Variants in NXPH1 observed in about 807,000 individuals in gnomAD.
The protein encoded by NXPH1 is neurexophilin 1, also known as neurexophilin-1.
A neutral mutation model predicts 23.7 loss-of-function variants in NXPH1; 5 were observed. The ratio of observed to expected loss-of-function variants is 0.21; its 90% CI spans 0.11 to 0.44. The LOEUF (loss-of-function observed/expected upper bound fraction) is 0.44, where lower values mean the gene tolerates loss of function less well. NXPH1 is among the 20% of genes least tolerant of loss of function. NXPH1 has a pLI of 0.99. For missense variants in NXPH1, 324 were observed against 321.6 expected (o/e 1.01, Z -0.06); for synonymous variants, 144 against 122.2 (o/e 1.18, Z -1.18).
chr7:8,564,797 T>C (rs1163378850), intron 2 of NXPH1, among the ~76,000 whole-genome samples: 1 of 151,820 alleles, frequency 6.6e-6, no homozygotes, highest in East Asian at 2.0e-4. Context: ...TTAAAAAGAA[T>C]ATGCACTCTG....
At position 8,604,902 on chromosome 7, in the gene NXPH1, A is replaced by G. The variant is rs540341926; in HGVS notation, c.55-146106A>G. On this transcript the variant is annotated intron_variant, in intron 2 of 2. Coordinates refer to ENST00000405863, the MANE Select transcript of NXPH1 (RefSeq NM_152745.3). Reference sequence around the variant, plus strand: ...TTTATTCATGTCATAGAGGGGATACACTGAGTACTTCCAAATAATTTATAT... The same window carrying G: ...TTTATTCATGTCATAGAGGGGATACGCTGAGTACTTCCAAATAATTTATAT... 3.0e-4 allele frequency among the ~76,000 whole-genome samples: 45 copies of G among 152,278 alleles called. 2 individuals are homozygous for G. The South Asian group carries it at 9.1e-3, about 31-fold the overall frequency.
At chr7:8,665,871 C>G (rs977801511) in intron 2 of NXPH1, among the ~76,000 whole-genome samples, 1 of 138,070 alleles carries the variant, frequency 7.2e-6, no homozygotes, top group African/African-American at 2.6e-5. Flanking sequence ...TATCCTGCAA[C>G]TTTACTGAAT....
At chr7:8,568,662 A>C (rs1009163236) in intron 2 of NXPH1, among the ~76,000 whole-genome samples, 4 of 145,908 alleles carry the variant, frequency 2.7e-5, no homozygotes, top group Admixed American at 2.7e-4. Context: ...AAAAAAAAAA[A>C]AATTCTCATT....
At chr7:8,660,821 G>T (rs1820658384) in intron 2 of NXPH1, among the ~76,000 whole-genome samples, 1 of 152,006 alleles carries the variant, frequency 6.6e-6, no homozygotes, top group South Asian at 2.1e-4. Flanking sequence ...ACTCTAGAAG[G>T]TTAAACATTT....
chr7:8,531,078 C>G (rs1047434476), intron 2 of NXPH1, among the ~76,000 whole-genome samples: 2 of 152,132 alleles, frequency 1.3e-5, no homozygotes, highest in Non-Finnish European at 2.9e-5. Context: ...AACAGAGACA[C>G]AAACAGGGGC....
At chr7:8,646,588 T>G (rs1583212726) in intron 2 of NXPH1, among the ~76,000 whole-genome samples, 1 of 152,234 alleles carries the variant, frequency 6.6e-6, no homozygotes, top group East Asian at 1.9e-4. Flanking sequence ...TAGTTATATT[T>G]TATCAAGTTC....
rs190622641 is a variant in NXPH1 at position 8,742,604 on chromosome 7, A to T, written c.55-8404A>T. On this transcript the variant is annotated intron_variant, in intron 2 of 2. Transcript: ENST00000405863. ...ATATATAATGTAATTTATAAAATAGACACCATGTATGTAAGATATTTATAT... is the reference window on the plus strand; with the variant it reads ...ATATATAATGTAATTTATAAAATAGTCACCATGTATGTAAGATATTTATAT... Among the ~76,000 whole-genome samples the T allele has an allele frequency of 1.5e-3, 233 of 152,180 alleles. 1 individual carries two copies. The highest frequency in any genetic ancestry group is 3.1e-3 in the Non-Finnish European group (208 of 67,956).
intron 2 of NXPH1, among the ~76,000 whole-genome samples, chr7:8,718,307 A>G (rs1015079891): frequency 6.6e-6 from 1 of 152,196 alleles, no homozygotes; most frequent in African/African-American, 2.4e-5. Flanking sequence ...TGAAGACCGC[A>G]AACCAATATT....
intron 2 of NXPH1, among the ~76,000 whole-genome samples, chr7:8,541,870 CAG>C (rs551275564): frequency 2.0e-3 from 305 of 151,402 alleles, no homozygotes; most frequent in Middle Eastern, 6.8e-3. Context: ...AAACTAACAA[CAG>C]AGAGGATAAA....
At chr7:8,683,676 C>A (rs945927651) in intron 2 of NXPH1, among the ~76,000 whole-genome samples, 1 of 152,058 alleles carries the variant, frequency 6.6e-6, no homozygotes, top group East Asian at 1.9e-4. Flanking sequence ...TAGGTTGGCA[C>A]AAAAGTAATT....
intron 2 of NXPH1, among the ~76,000 whole-genome samples, chr7:8,663,129 C>T (rs1820705929): frequency 6.6e-6 from 1 of 152,002 alleles, no homozygotes; most frequent in Admixed American, 6.6e-5. Context: ...AAGCTCTGGG[C>T]TTAAAATTGA....
chr7:8,488,827 G>T, intron 2 of NXPH1, among the ~76,000 whole-genome samples: 1 of 152,112 alleles, frequency 6.6e-6, no homozygotes, highest in East Asian at 1.9e-4. Flanking sequence ...ACAGTTTCTG[G>T]AAGATAGTAA....
At chr7:8,723,944 T>C (rs1163625835) in intron 2 of NXPH1, among the ~76,000 whole-genome samples, 1 of 152,198 alleles carries the variant, frequency 6.6e-6, no homozygotes, top group Non-Finnish European at 1.5e-5. Context: ...TAGACACATG[T>C]TGCATTGACT....
Position 8,749,119 on chromosome 7 carries a change from T to C in NXPH1, c.55-1889T>C, listed in dbSNP as rs182116536. ...ACTTCTCCCAGGCAAGATCTCCATA[T>C]GTATTATTTGGTTGCTTTCTCTAAT... On this transcript the variant is annotated intron_variant, in intron 2 of 2. Transcript: ENST00000405863. Among the ~76,000 whole-genome samples, 6 of 152,328 alleles carry C rather than the reference T, an allele frequency of 3.9e-5. No homozygotes were observed. In the South Asian group the frequency reaches 1.2e-3, roughly 32 times the overall value.
intron 2 of NXPH1, among the ~76,000 whole-genome samples, chr7:8,709,388 A>G (rs1779752648): frequency 6.6e-6 from 1 of 152,202 alleles, no homozygotes; most frequent in Non-Finnish European, 1.5e-5. Flanking sequence ...GTATAAAGAA[A>G]TAAAACCAAA....
chr7:8,476,181 T>A (rs1374908686), intron 2 of NXPH1, among the ~76,000 whole-genome samples: 3 of 152,176 alleles, frequency 2.0e-5, no homozygotes, highest in Admixed American at 6.5e-5. Context: ...TTAATTACCT[T>A]TCCCTATTCT....
chr7:8,653,243 G>A (rs956330480), intron 2 of NXPH1, among the ~76,000 whole-genome samples: 13 of 150,554 alleles, frequency 8.6e-5, no homozygotes, highest in African/African-American at 2.2e-4. Context: ...AAAAATAAAC[G>A]TTCCTAAATA....
chr7:8,740,309 C>G (rs553862850), intron 2 of NXPH1, among the ~76,000 whole-genome samples: 1 of 152,188 alleles, frequency 6.6e-6, no homozygotes, highest in East Asian at 1.9e-4. Context: ...CTGATTTTTA[C>G]CCAGAATTAC....
At chr7:8,634,715 C>T (rs1308667983) in intron 2 of NXPH1, among the ~76,000 whole-genome samples, 1 of 121,866 alleles carries the variant, frequency 8.2e-6, no homozygotes, top group Admixed American at 1.1e-4. Context: ...AGCCTCACTT[C>T]ACCATGTGAT....
Sources: gnomAD v4.1 joint callset for allele counts (sites outside exome capture counted in the v4.1 genomes callset) on GRCh38, gnomAD v4.1.1 for gene constraint, MANE v1.5 for transcripts, NCBI Gene and HGNC (gene_info 2026-07-23, HGNC 2026-07-21) for gene names.